PDGFA: variants seen among roughly 807,000 people sequenced by gnomAD.
The protein encoded by PDGFA is platelet-derived growth factor subunit A.
A neutral mutation model predicts 25.6 loss-of-function variants in PDGFA; 9 were observed. The observed-to-expected ratio is 0.35, with a 90% CI of 0.21 to 0.61. PDGFA has a LOEUF of 0.61. Among genes scored for constraint, PDGFA ranks in the 20% least tolerant of loss-of-function variants. The pLI is 0.75. For missense variants in PDGFA, 242 were observed against 272.8 expected (o/e 0.89, Z 0.79); for synonymous variants, 133 against 111.8 (o/e 1.19, Z -1.20).
At chr7:507,315 C>A (rs112576539) in intron 4 of PDGFA, among the ~76,000 whole-genome samples, 32,422 of 152,206 alleles carry the variant, frequency 0.21, 4,223 homozygotes, top group Non-Finnish European at 0.3. Context: ...AGCCCTGAGG[C>A]CTTAGGACAC....
At position 500,420 on chromosome 7, in the gene PDGFA, G is replaced by A. The variant is rs745961606; in HGVS notation, c.580+696C>T. 1 of 1,613,998 alleles carries A rather than the reference G, an allele frequency of 6.2e-7. No individual in the cohort carries two copies. Among genetic ancestry groups the A allele is most frequent in the Non-Finnish European group, 8.5e-7 (1 of 1,179,876 alleles). ...CCTGCAGGACTCAGTGTGTCCGGCA[G>A]ACAGTCCTACCTGGTTGGCTGCTTT... is the stretch of plus-strand genomic sequence containing the variant. On this transcript the variant is annotated intron_variant, in intron 5 of 5. Transcript: ENST00000402802. This position sits in a 1 kb window ranked among gnomAD's most constrained non-coding sequence, Gnocchi z 5.0.
intron 2 of PDGFA, chr7:513,526 C>T (rs1486076316): frequency 2.0e-5 from 3 of 151,356 alleles, no homozygotes; most frequent in Middle Eastern, 3.1e-3. Flanking sequence ...CTGCCCCCCC[C>T]ACCATATAAC....
chr7:500,347 A>G lies in PDGFA; in HGVS notation c.580+769T>C. 1.4e-6 allele frequency: 2 copies of G among 1,474,920 alleles called. No homozygotes were observed. Among genetic ancestry groups the G allele is most frequent in the Non-Finnish European group, 1.9e-6 (2 of 1,056,162 alleles). The allele number at this position is 1,474,920 out of a possible 1,614,324, so 91.4% of individuals were successfully genotyped here. A position where few individuals can be genotyped will look rare whatever the true frequency, so the allele number is the denominator to read the frequency against. On this transcript the variant is annotated intron_variant, in intron 5 of 5. Transcript: ENST00000402802. The surrounding 1 kb of genome is among the most constrained non-coding windows in gnomAD (Gnocchi z 5.0). ...CCACATCCCCGCCGCACCCGGCGAG[A>G]CAGGAAGCGTGATTTGCTGGTGTGA...
chr7:499,006 C>T (rs1223050858), intron 5 of PDGFA, among the ~76,000 whole-genome samples: 1 of 152,206 alleles, frequency 6.6e-6, no homozygotes, highest in Admixed American at 6.5e-5. Context: ...CCCAGGCAGA[C>T]CTATGCTGAT....
At position 512,496 on chromosome 7, in the gene PDGFA, T is replaced by C. The variant is rs754965188; in HGVS notation, c.161-41A>G. On this transcript the variant is annotated intron_variant, in intron 2 of 5. Coordinates refer to ENST00000402802, the Ensembl canonical transcript of PDGFA. ...GAACACCGTGAATGCCCCAGGCCCG[T>C]GCGCTGTGCCCTGGGCCTGTCCAGC... is the stretch of plus-strand genomic sequence containing the variant. 9 of 1,612,542 alleles carry C rather than the reference T, an allele frequency of 5.6e-6. No homozygotes were observed. The East Asian group carries it at 2.0e-4, about 36-fold the overall frequency.
In PDGFA at chr7:500,608, C is replaced by A; in HGVS notation, c.580+508G>T. The stretch of plus-strand genomic sequence containing the variant: ...TTGTTTATCTTTCCAGAAGAGAAGG[C>A]CAGCACCCTGGCACCGAGAAACTTC... On this transcript the variant is annotated intron_variant, in intron 5 of 5. Transcript: ENST00000402802. The surrounding 1 kb of genome is among the most constrained non-coding windows in gnomAD (Gnocchi z 5.0). 6.4e-7 allele frequency: 1 copy of A among 1,562,764 alleles called. No homozygotes were observed.
intron 5 of PDGFA, among the ~76,000 whole-genome samples, chr7:499,913 C>T (rs1209773457): frequency 2.0e-5 from 3 of 152,078 alleles, no homozygotes; most frequent in Non-Finnish European, 4.4e-5. Context: ...TCATGAAGCT[C>T]GATCTTATCT....
At position 512,293 on chromosome 7, in the gene PDGFA, C is replaced by A. The variant is rs1430537499; in HGVS notation, c.265+58G>T. 2.0e-6 allele frequency: 3 copies of A among 1,501,366 alleles called. No homozygotes were observed. In the African/African-American group the frequency reaches 4.2e-5, roughly 21 times the overall value. 93.0% of individuals were successfully genotyped at this position (1,501,366 alleles called of 1,614,324 possible). On this transcript the variant is annotated intron_variant, in intron 3 of 5. Transcript: ENST00000402802. Reference sequence around the variant, plus strand: ...CCCGGCCCTGCCCTGCCCATCGCGGCCTCCTGGACTCACCCTGACCCGGCC... The same window carrying A: ...CCCGGCCCTGCCCTGCCCATCGCGGACTCCTGGACTCACCCTGACCCGGCC...
Position 503,857 on chromosome 7 carries a change from T to C in PDGFA, c.454-2615A>G, listed in dbSNP as rs1462151394. Among the ~76,000 whole-genome samples the C allele has an allele frequency of 5.9e-5, 9 of 152,094 alleles. 1 individual carries two copies. Among genetic ancestry groups the C allele is most frequent in the Admixed American group, 5.9e-4 (9 of 15,284 alleles). On this transcript the variant is annotated intron_variant, in intron 4 of 5. Coordinates refer to ENST00000402802, the Ensembl canonical transcript of PDGFA. ...GCCAGCTCAGAAACAGGACCTGGCC[T>C]GGGAGGTTTCGCTACGTCACAAAGC...
intron 4 of PDGFA, among the ~76,000 whole-genome samples, chr7:508,393 C>T (rs1249623913): frequency 2.6e-5 from 4 of 151,574 alleles, no homozygotes; most frequent in Non-Finnish European, 4.4e-5. Flanking sequence ...CAGCGAGATC[C>T]CCGACTCTGC....
rs993881659 is a variant in PDGFA, at chr7:509,297, C to CT, written c.453+1511dup. Among the ~76,000 whole-genome samples the CT allele has an allele frequency of 5.3e-4, 81 of 152,220 alleles. 1 individual carries two copies. Among genetic ancestry groups the CT allele is most frequent in the African/African-American group, 1.9e-3 (78 of 41,534 alleles). The stretch of plus-strand genomic sequence containing the variant: ...AGGTAGCCATTAAGTCCTTTTTTCT[C>CT]TTTTTTTTCTTAGAGACGGAGTCTT... On this transcript the variant is annotated intron_variant, in intron 4 of 5. Coordinates refer to ENST00000402802, the Ensembl canonical transcript of PDGFA.
chr7:519,071 G>A (rs1783245222), exon 1 of PDGFA: 3 of 1,265,932 alleles, frequency 2.4e-6, no homozygotes, highest in Non-Finnish European at 1.1e-6. Flanking sequence ...CCGGTCTCCT[G>A]TGGCGGCGAA....
chr7:504,625 G>T (rs891708039), intron 4 of PDGFA, among the ~76,000 whole-genome samples: 1 of 152,212 alleles, frequency 6.6e-6, no homozygotes, highest in African/African-American at 2.4e-5. Flanking sequence ...GCCTCTGCAG[G>T]GGTGGCCAAG....
intron 4 of PDGFA, among the ~76,000 whole-genome samples, chr7:503,738 C>A (rs1782449782): frequency 6.6e-6 from 1 of 152,204 alleles, no homozygotes; most frequent in Non-Finnish European, 1.5e-5. Flanking sequence ...AGGGTGCCTG[C>A]AGGCGTGTGA....
chr7:512,270 C>G, intron 3 of PDGFA, 81 bp downstream of exon 3: 1 of 1,321,022 alleles, frequency 7.6e-7, no homozygotes, highest in East Asian at 2.4e-5. Context: ...CCTCCCCACC[C>G]GGCCCTGCCC....
chr7:520,501 G>T (rs1381523255), upstream of PDGFA: 5 of 152,720 alleles, frequency 3.3e-5, no homozygotes, highest in Admixed American at 3.3e-4. Context: ...GTCGGGGAAA[G>T]GGCCTGCAGC....
chr7:499,444 C>T (rs572207769), intron 5 of PDGFA, among the ~76,000 whole-genome samples: 2 of 152,330 alleles, frequency 1.3e-5, no homozygotes. Flanking sequence ...GTTTTGGCCA[C>T]CATGGAGTCC....
exon 1 of PDGFA, chr7:518,983 G>T: frequency 6.5e-7 from 1 of 1,541,560 alleles, no homozygotes; most frequent in East Asian, 2.5e-5. Flanking sequence ...AGGAGCAGCA[G>T]GCAAGCCAAG....
intron 4 of PDGFA, among the ~76,000 whole-genome samples, chr7:504,849 G>A (rs995461827): frequency 2.6e-5 from 4 of 152,216 alleles, no homozygotes; most frequent in African/African-American, 9.6e-5. Flanking sequence ...CCCAGGCGAG[G>A]GGCAGGCTCG....
Sources: gnomAD v4.1 joint callset for allele counts (sites outside exome capture counted in the v4.1 genomes callset) on GRCh38, gnomAD v4.1.1 for gene constraint, Gnocchi (gnomAD v3.1) non-coding constraint, MANE v1.5 for transcripts, NCBI Gene and HGNC (gene_info 2026-07-23, HGNC 2026-07-21) for gene names.